TLN1: variants seen among roughly 807,000 people sequenced by gnomAD.
The protein encoded by TLN1 is talin 1, also known as talin-1.
Under a neutral mutation model 292.3 loss-of-function variants are expected in TLN1, and 56 were observed. The observed-to-expected ratio is 0.19, with a 90% confidence interval of 0.15 to 0.24. The LOEUF is 0.24. Ranked by LOEUF, TLN1 falls within the 10% of genes least tolerant of loss-of-function variation. TLN1 has a pLI of 1.00. For missense variants in TLN1, 2,433 were observed against 3,248.2 expected, an observed-to-expected ratio of 0.75 and a Z score of 6.10; for synonymous variants, 1,119 against 1,253.7, an observed-to-expected ratio of 0.89 and a Z score of 2.27.
At position 35,698,459 on chromosome 9, in the gene TLN1, T is replaced by C; in HGVS notation, c.7235A>G (p.Asn2412Ser). Residue 2412 changes from asparagine to serine, a missense_variant, in exon 55 of 57, where the codon AAT becomes AGT. Physicochemically the swap from Asn to Ser is conservative, Grantham distance 46. Transcript: ENST00000314888. This position sits in a 1 kb window ranked among gnomAD's most constrained non-coding sequence, Gnocchi z 5.3. The part of the protein sequence containing the change: ...AATNNLCEAA[N>S]AAVQGHASQE... ...GCTGGCATGGCCTTGTACAGCTGCATTGGCTGCCTCACACAGATTGTTGGT... is the reference window on the plus strand; with the variant it reads ...GCTGGCATGGCCTTGTACAGCTGCACTGGCTGCCTCACACAGATTGTTGGT... 7 of 1,614,032 alleles carry C rather than the reference T, an allele frequency of 4.3e-6. No individual in the cohort carries two copies. The highest frequency in any genetic ancestry group is 1.7e-5 in the Admixed American group (1 of 60,010).
rs1459080049 is a variant in TLN1, at chr9:35,719,037, C to G, written c.1896+37G>C. ...CTGCCCCTTCTCCTTGGGCTTGAAC[C>G]CTGTCTCCACCCTAACCCAAACCTG... On this transcript the variant is annotated intron_variant, in intron 16 of 56. Transcript: ENST00000314888. This position sits in a 1 kb window ranked among gnomAD's most constrained non-coding sequence, Gnocchi z 4.6. 6.9e-6 allele frequency: 11 copies of G among 1,601,032 alleles called. No homozygotes were observed. Among genetic ancestry groups the G allele is most frequent in the Non-Finnish European group, 9.4e-6 (11 of 1,171,760 alleles).
In TLN1 at chr9:35,719,891, T is replaced by C. The variant is rs1192815354; in HGVS notation, c.1465-38A>G. 2.2e-5 allele frequency: 35 copies of C among 1,569,268 alleles called. No individual in the cohort carries two copies. The highest frequency in any genetic ancestry group is 2.9e-5 in the Non-Finnish European group (34 of 1,155,088). On this transcript the variant is annotated intron_variant, in intron 13 of 56. Transcript: ENST00000314888. The surrounding 1 kb of genome is among the most constrained non-coding windows in gnomAD (Gnocchi z 4.6). ...GGGGAGAAACAGGGACTGGAATGGATGTTTGGAGAAAAGAGAAGGTAAAAG... is the reference window on the plus strand; with the variant it reads ...GGGGAGAAACAGGGACTGGAATGGACGTTTGGAGAAAAGAGAAGGTAAAAG...
Position 35,697,581 on chromosome 9 carries a change from C to T in TLN1, c.*210G>A. The T allele has an allele frequency of 3.2e-6, 2 of 623,924 alleles. No individual in the cohort carries two copies. The highest frequency in any genetic ancestry group is 5.5e-6 in the Non-Finnish European group (2 of 364,702). 38.6% of individuals were successfully genotyped at this position (623,924 alleles called of 1,614,324 possible). A position where few individuals can be genotyped will look rare whatever the true frequency, so the allele number is the denominator to read the frequency against. On this transcript the variant is annotated 3_prime_UTR_variant, in exon 57 of 57. Coordinates refer to ENST00000314888, the MANE Select transcript of TLN1 (RefSeq NM_006289.4). ...CGTTAATACTCTGGGGAGGGGCAGG[C>T]ACTTGGGGGGCCCTAGGGCATGAAG...
Position 35,711,362 on chromosome 9 carries a change from G to A in TLN1, c.3912C>T (p.Asn1304=), listed in dbSNP as rs1825665037. 6.2e-7 allele frequency: 1 copy of A among 1,614,220 alleles called. No homozygotes were observed. The highest frequency in any genetic ancestry group is 1.3e-5 in the African/African-American group (1 of 75,060). The part of the protein sequence containing the change: ...SQEDRAQVVS[N]LKGISMSSSK... ...TTGAAGACATGGAGATGCCCTTCAA[G>A]TTGGACACAACTTGGGCTCGGTCCT... Residue 1304 remains asparagine, a synonymous_variant, in exon 30 of 57, where the codon AAC becomes AAT. Transcript: ENST00000314888.
Position 35,724,342 on chromosome 9 carries a change from A to C in TLN1, c.512-8T>G, listed in dbSNP as rs1825930238. The C allele has an allele frequency of 6.2e-7, 1 of 1,613,996 alleles. No homozygotes were observed. On this transcript the variant is annotated splice_polypyrimidine_tract_variant and splice_region_variant and intron_variant, in intron 5 of 56. Transcript: ENST00000314888. This position sits in a 1 kb window ranked among gnomAD's most constrained non-coding sequence, Gnocchi z 4.7. ...CATGGTCCAGCCAGTTCACTGGGAT[A>C]CAGACAGTCCCCTCAGTGCCAAACC...
intron 11 of TLN1, 23 bp downstream of exon 11, chr9:35,720,789 A>T: frequency 1.9e-6 from 3 of 1,606,476 alleles, no homozygotes; most frequent in Non-Finnish European, 2.6e-6. Flanking sequence ...GATAAGGAGA[A>T]GGCTAGGGCA....
chr9:35,716,951 T>A (rs933726810), intron 19 of TLN1, among the ~76,000 whole-genome samples, 195 bp downstream of exon 19: 5 of 152,176 alleles, frequency 3.3e-5, no homozygotes, highest in African/African-American at 1.2e-4. Flanking sequence ...GGTAGAGGAC[T>A]TAATATTCCT....
rs1312833446 is a variant in TLN1, at chr9:35,698,779, C to G, written c.7125+29G>C. On this transcript the variant is annotated intron_variant, in intron 53 of 56. Transcript: ENST00000314888. The surrounding 1 kb of genome is among the most constrained non-coding windows in gnomAD (Gnocchi z 5.3). ...GTGGACATCAAAGTGCCAACCTGTC[C>G]CCATTCTTCTGGGTATTTAAGCACT... 6.2e-7 allele frequency: 1 copy of G among 1,613,532 alleles called. No homozygotes were observed. The highest frequency in any genetic ancestry group is 8.5e-7 in the Non-Finnish European group (1 of 1,179,638).
At chr9:35,730,488 G>A (rs941507213) in intron 1 of TLN1, among the ~76,000 whole-genome samples, 4 of 152,098 alleles carry the variant, frequency 2.6e-5, no homozygotes, top group Admixed American at 2.6e-4. Flanking sequence ...GATCCAGGGG[G>A]TGACACACAG....
In TLN1 at chr9:35,715,204, A is replaced by G; in HGVS notation, c.2626-17T>C. ...AGCTGCTCCCTGAGGGAGAGGTGGA[A>G]AGACAGTCATCACCCAGCTCTCCTG... On this transcript the variant is annotated splice_polypyrimidine_tract_variant and intron_variant, in intron 20 of 56. Coordinates refer to ENST00000314888, the MANE Select transcript of TLN1 (RefSeq NM_006289.4). 6.2e-7 allele frequency: 1 copy of G among 1,606,204 alleles called. No individual in the cohort carries two copies. Among genetic ancestry groups the G allele is most frequent in the Non-Finnish European group, 8.5e-7 (1 of 1,179,440 alleles).
Position 35,697,723 on chromosome 9 carries a change from C to G in TLN1, c.*68G>C. 1 of 1,587,956 alleles carries G rather than the reference C, an allele frequency of 6.3e-7. No individual in the cohort carries two copies. Among genetic ancestry groups the G allele is most frequent in the Non-Finnish European group, 8.6e-7 (1 of 1,166,374 alleles). On this transcript the variant is annotated 3_prime_UTR_variant, in exon 57 of 57. Coordinates refer to ENST00000314888, the MANE Select transcript of TLN1 (RefSeq NM_006289.4). Reference sequence around the variant, plus strand: ...GGTTGGGCAGGTTGGGCCCCGACAGCCCAGAAGGCTTTGGTAGTGGCACGC... The same window carrying G: ...GGTTGGGCAGGTTGGGCCCCGACAGGCCAGAAGGCTTTGGTAGTGGCACGC...
At position 35,698,955 on chromosome 9, in the gene TLN1, G is replaced by A. The variant is rs1388756270; in HGVS notation, c.7000-22C>T. ...CCTCCTGCAATAAGCGAAGGTTGCA[G>A]AAAGAGATGTAAAGTCAGAGATGAA... On this transcript the variant is annotated intron_variant, in intron 52 of 56. Coordinates refer to ENST00000314888, the MANE Select transcript of TLN1 (RefSeq NM_006289.4). This position sits in a 1 kb window ranked among gnomAD's most constrained non-coding sequence, Gnocchi z 5.3. The A allele has an allele frequency of 9.3e-6, 15 of 1,612,348 alleles. No homozygotes were observed. In the East Asian group the frequency reaches 3.3e-4, roughly 36 times the overall value.
At chr9:35,713,816 A>T in intron 25 of TLN1, 137 bp downstream of exon 25, 1 of 908,154 alleles carries the variant, frequency 1.1e-6, no homozygotes, top group Non-Finnish European at 1.6e-6. Flanking sequence ...AGGAAGGAAG[A>T]AGAAAGAAAA....
At chr9:35,716,241 G>C in intron 20 of TLN1, 149 bp downstream of exon 20, 1 of 842,880 alleles carries the variant, frequency 1.2e-6, no homozygotes, top group South Asian at 2.0e-5. Context: ...CACAGCCTTG[G>C]GGCTCATTCA....
In TLN1 at chr9:35,698,259, T is replaced by A. The variant is rs1587974319; in HGVS notation, c.7371+64A>T. On this transcript the variant is annotated intron_variant, in intron 55 of 56. Coordinates refer to ENST00000314888, the MANE Select transcript of TLN1 (RefSeq NM_006289.4). This position sits in a 1 kb window ranked among gnomAD's most constrained non-coding sequence, Gnocchi z 5.3. ...CTCAATTCTCTCATAGAAACATACA[T>A]CTCGGGAGTGACAGTTTGAAGCAGT... 1 of 1,608,452 alleles carries A rather than the reference T, an allele frequency of 6.2e-7. No individual in the cohort carries two copies. The highest frequency in any genetic ancestry group is 8.5e-7 in the Non-Finnish European group (1 of 1,175,852).
Position 35,720,863 on chromosome 9 carries a change from C to T in TLN1, c.1155G>A (p.Gly385=). The change falls in exon 11 of 57, where the codon GGG becomes GGA. Residue 385 remains glycine, a synonymous_variant. Coordinates refer to ENST00000314888, the MANE Select transcript of TLN1 (RefSeq NM_006289.4). ...CGGCAATGAGCTGTGCAATCTGCTC[C>T]CCTTCAGTTGTCTGTACTGAGTAAT... is the stretch of plus-strand genomic sequence containing the variant. The part of the protein sequence containing the change: ...DGYYSVQTTE[G]EQIAQLIAGY... The T allele has an allele frequency of 1.9e-6, 3 of 1,614,080 alleles. No individual in the cohort carries two copies. The South Asian group carries it at 3.3e-5, about 18-fold the overall frequency.
intron 33 of TLN1, among the ~76,000 whole-genome samples, chr9:35,709,886 CAAAAAAAAAAAAA>C (rs546437173): frequency 3.9e-4 from 5 of 12,846 alleles, no homozygotes; most frequent in Non-Finnish European, 4.5e-4. Context: ...AACTCGGTCT[CAAAAAAAAAAAAA>C]AAAAAAAAAA....
intron 20 of TLN1, 82 bp downstream of exon 20, chr9:35,716,308 C>T: frequency 2.0e-6 from 3 of 1,514,188 alleles, no homozygotes; most frequent in African/African-American, 1.4e-5. Flanking sequence ...CTGGGTCTCC[C>T]TCATCAGATG....
chr9:35,728,161 G>A (rs1826011172), intron 1 of TLN1, among the ~76,000 whole-genome samples: 1 of 152,168 alleles, frequency 6.6e-6, no homozygotes, highest in Non-Finnish European at 1.5e-5. Flanking sequence ...TGGAGGACAG[G>A]AGGTCAAATC....
Sources: allele counts gnomAD v4.1 joint callset (sites outside exome capture counted in the v4.1 genomes callset), GRCh38; gene constraint gnomAD v4.1.1; non-coding constraint Gnocchi (gnomAD v3.1); transcripts MANE v1.5; gene names NCBI Gene and HGNC (gene_info 2026-07-23, HGNC 2026-07-21).